The following DCC variants were observed in gnomAD, a reference collection of about 807,000 sequenced individuals.
DCC encodes the protein netrin receptor DCC.
A neutral mutation model predicts 172.5 loss-of-function variants in DCC; 58 were observed. The ratio of observed to expected loss-of-function variants is 0.34; its 90% CI spans 0.27 to 0.42. The LOEUF (loss-of-function observed/expected upper bound fraction) is 0.42. Among genes scored for constraint, DCC ranks in the 10% least tolerant of loss-of-function variants. The probability of loss-of-function intolerance (pLI) is 1.00; values close to 1 mark genes in which losing one functional copy is unlikely to be tolerated. For synonymous variants in DCC, 709 were observed against 644.5 expected, an observed-to-expected ratio of 1.10 and a Z score of -1.52; for missense variants, 1,740 against 1,791.0, an observed-to-expected ratio of 0.97 and a Z score of 0.51.
At chr18:53,177,969 A>G (rs1273437369) in intron 8 of DCC, among the ~76,000 whole-genome samples, 1 of 152,232 alleles carries the variant, frequency 6.6e-6, no homozygotes, top group Admixed American at 6.5e-5. Context: ...TATTTTAAAT[A>G]TGTCCAAAAC....
At chr18:52,899,343 CTTTTTTTTTT>C (rs57712241) in intron 2 of DCC, among the ~76,000 whole-genome samples, 1 of 55,162 alleles carries the variant, frequency 1.8e-5, no homozygotes, top group Non-Finnish European at 3.2e-5. Context: ...TCTTTCTTTC[CTTTTTTTTTT>C]TTTTTTTTTT....
chr18:52,832,123 A>G (rs1488797394), intron 2 of DCC, among the ~76,000 whole-genome samples: 1 of 152,148 alleles, frequency 6.6e-6, no homozygotes, highest in Non-Finnish European at 1.5e-5. Flanking sequence ...TACTCAAAGC[A>G]TAGTGTATCC....
chr18:52,932,423 A>C (rs1222264828), intron 5 of DCC, among the ~76,000 whole-genome samples: 1 of 152,150 alleles, frequency 6.6e-6, no homozygotes, highest in Non-Finnish European at 1.5e-5. Context: ...AAGTGATTTG[A>C]TCTTTTACAA....
intron 27 of DCC, among the ~76,000 whole-genome samples, chr18:53,511,483 C>T (rs1972048): frequency 0.037 from 5,606 of 152,322 alleles, 355 homozygotes; most frequent in African/African-American, 0.13. Context: ...GGAACAGCTC[C>T]GGTCTACAGC....
intron 21 of DCC, among the ~76,000 whole-genome samples, chr18:53,432,182 T>G (rs909561712): frequency 2.0e-5 from 3 of 152,286 alleles, no homozygotes; most frequent in African/African-American, 7.2e-5. Flanking sequence ...AGTAGTAAGT[T>G]TATAGTAATA....
intron 1 of DCC, among the ~76,000 whole-genome samples, chr18:52,447,135 A>T (rs1021400519): frequency 1.3e-5 from 2 of 152,240 alleles, no homozygotes; most frequent in African/African-American, 4.8e-5. Context: ...GACACAAGGC[A>T]CATCTTAGTC....
chr18:53,351,320 G>GTATATATATATATAGTA (rs201328758), intron 15 of DCC, among the ~76,000 whole-genome samples: 1 of 29,632 alleles, frequency 3.4e-5, no homozygotes, highest in African/African-American at 1.2e-4. Context: ...TATATACACT[G>GTATATATATATATAGTA]TATATATATA....
At chr18:52,751,080 A>G (rs2036987007) in intron 1 of DCC, among the ~76,000 whole-genome samples, 3 of 152,230 alleles carry the variant, frequency 2.0e-5, no homozygotes, top group Non-Finnish European at 4.4e-5. Flanking sequence ...TCTTAAAATG[A>G]TTAAATATTG....
At chr18:52,925,480 C>G in intron 5 of DCC, 110 bp downstream of exon 5, 1 of 1,137,132 alleles carries the variant, frequency 8.8e-7, no homozygotes, top group Non-Finnish European at 1.3e-6. Context: ...TGTGAAATTG[C>G]AAAGTCCCAA....
At chr18:52,911,662 C>T (rs1490000828) in intron 3 of DCC, among the ~76,000 whole-genome samples, 1 of 151,816 alleles carries the variant, frequency 6.6e-6, no homozygotes, top group Non-Finnish European at 1.5e-5. Context: ...TAAACATACA[C>T]CCAAAAAACG....
intron 12 of DCC, among the ~76,000 whole-genome samples, chr18:53,252,378 T>C (rs1172759715): frequency 6.6e-6 from 1 of 151,900 alleles, no homozygotes; most frequent in Non-Finnish European, 1.5e-5. Flanking sequence ...TGAGACTTAA[T>C]CACTCTGGGG....
At chr18:53,331,052 G>T (rs886918132) in intron 14 of DCC, among the ~76,000 whole-genome samples, 2 of 152,084 alleles carry the variant, frequency 1.3e-5, no homozygotes, top group South Asian at 4.1e-4. Flanking sequence ...CCTTACATAC[G>T]AACTCTAATT....
chr18:52,402,015 A>T (rs1334008557), intron 1 of DCC, among the ~76,000 whole-genome samples: 2 of 152,026 alleles, frequency 1.3e-5, no homozygotes, highest in Non-Finnish European at 2.9e-5. Context: ...AAGATGGTTG[A>T]CTGTCTTCAA....
chr18:53,210,601 T>C (rs1361369419), intron 11 of DCC, among the ~76,000 whole-genome samples: 1 of 152,196 alleles, frequency 6.6e-6, no homozygotes, highest in East Asian at 1.9e-4. Flanking sequence ...GGCTTATCTT[T>C]AGGATTTCCC....
At chr18:53,425,383 A>T in intron 21 of DCC, among the ~76,000 whole-genome samples, 1 of 58,764 alleles carries the variant, frequency 1.7e-5, no homozygotes, top group African/African-American at 4.5e-5. Flanking sequence ...TTTTTGAGAC[A>T]GAGTCTCACT....
chr18:53,064,611 C>T (rs2042541533), intron 6 of DCC, among the ~76,000 whole-genome samples: 1 of 152,136 alleles, frequency 6.6e-6, no homozygotes, highest in African/African-American at 2.4e-5. Context: ...GCATGTTGGC[C>T]TACTATAAAG....
intron 7 of DCC, among the ~76,000 whole-genome samples, chr18:53,084,826 C>G (rs1345484712): frequency 1.3e-5 from 2 of 152,174 alleles, no homozygotes; most frequent in Non-Finnish European, 2.9e-5. Flanking sequence ...CTGTAGGAAA[C>G]AAAATTTGAA....
chr18:53,405,439 C>T (rs568195015), intron 19 of DCC, among the ~76,000 whole-genome samples: 18 of 152,146 alleles, frequency 1.2e-4, no homozygotes, highest in Non-Finnish European at 2.5e-4. Context: ...AATAGAACCG[C>T]ACTAGAATAA....
intron 2 of DCC, among the ~76,000 whole-genome samples, chr18:52,835,732 G>T (rs2038692712): frequency 6.6e-6 from 1 of 152,036 alleles, no homozygotes; most frequent in Non-Finnish European, 1.5e-5. Context: ...TCCTTTAAAT[G>T]AATTCAAAAC....
Sources: gnomAD v4.1 joint callset for allele counts (sites outside exome capture counted in the v4.1 genomes callset) on GRCh38, gnomAD v4.1.1 for gene constraint, MANE v1.5 for transcripts, NCBI Gene and HGNC (gene_info 2026-07-23, HGNC 2026-07-21) for gene names.